FXR1: variants seen among roughly 807,000 people sequenced by gnomAD.
FXR1 encodes RNA-binding protein FXR1.
In FXR1, 15 loss-of-function variants were observed where a neutral mutation model predicts 84.0. The ratio of observed to expected loss-of-function variants is 0.18; its 90% CI spans 0.12 to 0.27. The LOEUF is 0.27. Ranked by LOEUF, FXR1 falls within the 10% of genes least tolerant of loss-of-function variation. The pLI, the probability that FXR1 is intolerant of heterozygous loss-of-function variation, is 1.00. For synonymous variants in FXR1, 245 were observed against 250.7 expected (o/e 0.98, Z 0.21); for missense variants, 480 against 774.4 (o/e 0.62, Z 4.51).
intron 3 of FXR1, among the ~76,000 whole-genome samples, chr3:180,943,595 T>C (rs1356100516): frequency 6.6e-6 from 1 of 152,116 alleles, no homozygotes; most frequent in East Asian, 1.9e-4. Flanking sequence ...GGCTTAGGAA[T>C]TTAGGTTTAG....
chr3:180,964,278 A>G (rs1303761967), intron 13 of FXR1, among the ~76,000 whole-genome samples: 2 of 152,228 alleles, frequency 1.3e-5, no homozygotes, highest in African/African-American at 4.8e-5. Context: ...CAGTAATCAC[A>G]TAGAAATCAA....
Position 180,963,214 on chromosome 3 carries a change from A to G in FXR1, c.1198+124A>G, listed in dbSNP as rs567557462. 7.5e-5 allele frequency: 45 copies of G among 596,688 alleles called. No individual in the cohort carries two copies. The East Asian group carries it at 1.2e-3, about 16-fold the overall frequency. The allele number at this position is 596,688 out of a possible 1,614,324, so 37.0% of individuals were successfully genotyped here. Reference sequence around the variant, plus strand: ...TGTCTTGGCTTTGAGGGTAGAAGGTAGTTCTGAAGGTTTAGTACACGTCTT... The same window carrying G: ...TGTCTTGGCTTTGAGGGTAGAAGGTGGTTCTGAAGGTTTAGTACACGTCTT... On this transcript the variant is annotated intron_variant, in intron 13 of 16. Coordinates refer to ENST00000357559, the MANE Select transcript of FXR1 (RefSeq NM_005087.4).
rs746815811 is a variant in FXR1, at chr3:180,940,580, G to GTTTTGT, written c.198+5353_198+5354insGTTTTT. ...ACGTGTTTAGTTTTTGTTTTTTTCT[G>GTTTTGT]TTTTCTTTTTTTTTTGGAGATGGAG... On this transcript the variant is annotated intron_variant, in intron 3 of 16. Coordinates refer to ENST00000357559, the MANE Select transcript of FXR1 (RefSeq NM_005087.4). Among the ~76,000 whole-genome samples the GTTTTGT allele has an allele frequency of 3.6e-4, 52 of 146,134 alleles. 3 individuals are homozygous for GTTTTGT. Among genetic ancestry groups the GTTTTGT allele is most frequent in the Middle Eastern group, 3.5e-3 (1 of 284 alleles).
In FXR1 at chr3:180,935,471, T is replaced by C. The variant is rs1314246771; in HGVS notation, c.198+240T>C. On this transcript the variant is annotated intron_variant, in intron 3 of 16. Coordinates refer to ENST00000357559, the MANE Select transcript of FXR1 (RefSeq NM_005087.4). ...ATCATTATAATTTGGAAGTCATGGA[T>C]GATAGTGCATTTGAATTCTTAAAAG... is the stretch of plus-strand genomic sequence containing the variant. 2.0e-5 allele frequency among the ~76,000 whole-genome samples: 3 copies of C among 152,218 alleles called. No homozygotes were observed. The East Asian group carries it at 5.8e-4, about 29-fold the overall frequency.
At chr3:180,945,078 T>C (rs901570043) in intron 3 of FXR1, among the ~76,000 whole-genome samples, 3 of 152,232 alleles carry the variant, frequency 2.0e-5, no homozygotes, top group African/African-American at 2.4e-5. Context: ...ACCAATCTTA[T>C]AAATATTGAT....
rs772508533 is a variant in FXR1 at position 180,957,743 on chromosome 3, A to G, written c.881-76A>G. Reference sequence around the variant, plus strand: ...GTTGTAATTTAGTAGCAAGTTACAAATAATTGGGGCTGACACTGAAAGAAT... The same window carrying G: ...GTTGTAATTTAGTAGCAAGTTACAAGTAATTGGGGCTGACACTGAAAGAAT... On this transcript the variant is annotated intron_variant, in intron 9 of 16. Transcript: ENST00000357559. The G allele has an allele frequency of 3.7e-5, 25 of 667,202 alleles. No homozygotes were observed. In the Admixed American group the frequency reaches 4.6e-4, roughly 12 times the overall value. The allele number at this position is 667,202 out of a possible 1,614,324, so 41.3% of individuals were successfully genotyped here. A position where few individuals can be genotyped will look rare whatever the true frequency, so the allele number is the denominator to read the frequency against.
At position 180,980,584 on chromosome 3, in the gene FXR1, T is replaced by TAG. The variant is rs1714562827; in HGVS notation, c.*4292_*4293insAG. 1 of 152,038 alleles carries TAG rather than the reference T, an allele frequency of 6.6e-6. No individual in the cohort carries two copies. The highest frequency in any genetic ancestry group is 1.5e-5 in the Non-Finnish European group (1 of 67,934). 9.4% of individuals were successfully genotyped at this position (152,038 alleles called of 1,614,324 possible). ...TCTAGGCTTCCTTTTTCAGCTAACT[T>TAG]GGCTGTCTTCAGGTTGTAAAGAAAA... is the stretch of plus-strand genomic sequence containing the variant. On this transcript the variant is annotated 3_prime_UTR_variant, in exon 17 of 17. Coordinates refer to ENST00000357559, the MANE Select transcript of FXR1 (RefSeq NM_005087.4).
intron 1 of FXR1, among the ~76,000 whole-genome samples, chr3:180,914,445 T>C (rs1717638036): frequency 6.6e-6 from 1 of 152,226 alleles, no homozygotes; most frequent in African/African-American, 2.4e-5. Flanking sequence ...CATTTTTTCT[T>C]GCATATTGGA....
intron 1 of FXR1, among the ~76,000 whole-genome samples, chr3:180,928,920 A>T (rs1719555313): frequency 6.7e-6 from 1 of 148,322 alleles, no homozygotes. Flanking sequence ...AATTTATGGC[A>T]TTTTTTGTTT....
chr3:180,967,781 TCTG>T (rs1019339533), intron 13 of FXR1, among the ~76,000 whole-genome samples: 48 of 152,310 alleles, frequency 3.2e-4, no homozygotes, highest in African/African-American at 1.2e-3. Context: ...GAGGGATTCT[TCTG>T]CTGGTTTTGA....
intron 1 of FXR1, among the ~76,000 whole-genome samples, 157 bp downstream of exon 1, chr3:180,912,893 G>T (rs1362629511): frequency 6.6e-6 from 1 of 152,144 alleles, no homozygotes; most frequent in Non-Finnish European, 1.5e-5. Flanking sequence ...TCCACCCGCG[G>T]TTTAACGGTC....
intron 1 of FXR1, among the ~76,000 whole-genome samples, chr3:180,929,973 G>A (rs1719688470): frequency 6.6e-6 from 1 of 152,210 alleles, no homozygotes; most frequent in African/African-American, 2.4e-5. Context: ...AATAAGAGTA[G>A]ATGCTCAAGG....
At chr3:180,970,815 C>A (rs751693915) in intron 15 of FXR1, among the ~76,000 whole-genome samples, 1 of 152,066 alleles carries the variant, frequency 6.6e-6, no homozygotes, top group African/African-American at 2.4e-5. Flanking sequence ...AAGACTGTGT[C>A]CCTGAATGAT....
rs1183435655 is a variant in FXR1 at position 180,982,306 on chromosome 3, T to G, written c.*6014T>G. The G allele has an allele frequency of 6.6e-6, 1 of 150,822 alleles. No individual in the cohort carries two copies. The highest frequency in any genetic ancestry group is 6.6e-5 in the Admixed American group (1 of 15,134). The allele number at this position is 150,822 out of a possible 1,614,324, so 9.3% of individuals were successfully genotyped here. ...AAATACCAGCAAAAGATAAAAGTTT[T>G]TTTATGGATCGTATTTGTATCAATC... is the stretch of plus-strand genomic sequence containing the variant. On this transcript the variant is annotated 3_prime_UTR_variant, in exon 17 of 17. Coordinates refer to ENST00000357559, the MANE Select transcript of FXR1 (RefSeq NM_005087.4).
At chr3:180,964,673 T>TTATATATATATATATATATATATATA (rs10600370) in intron 13 of FXR1, among the ~76,000 whole-genome samples, 42 of 136,328 alleles carry the variant, frequency 3.1e-4, no homozygotes, top group African/African-American at 9.8e-4. Context: ...TGTAGTTGAT[T>TTATATATATATATATATATATATATA]TATATATATA....
intron 1 of FXR1, among the ~76,000 whole-genome samples, chr3:180,924,946 A>G (rs1045302538): frequency 6.6e-6 from 1 of 152,248 alleles, no homozygotes; most frequent in South Asian, 2.1e-4. Flanking sequence ...AGTCCCATAC[A>G]TAAAATGGGA....
intron 1 of FXR1, chr3:180,915,414 A>G (rs1717768051): frequency 7.2e-6 from 6 of 827,704 alleles, no homozygotes; most frequent in South Asian, 3.3e-5. Context: ...CGTTACGTAT[A>G]TAGAATCGTA....
At chr3:180,971,039 T>C in intron 15 of FXR1, 1 of 815,482 alleles carries the variant, frequency 1.2e-6, no homozygotes, top group Non-Finnish European at 1.6e-6. Context: ...TGTTTGTTTT[T>C]GTCAGAATAG....
chr3:180,970,408 A>G (rs1414402002), intron 15 of FXR1, 50 bp downstream of exon 15: 2 of 293,768 alleles, frequency 6.8e-6, no homozygotes, highest in East Asian at 6.7e-5. Flanking sequence ...ATATATATAT[A>G]TATATATATA....
Sources: gnomAD v4.1 joint callset for allele counts (sites outside exome capture counted in the v4.1 genomes callset) on GRCh38, gnomAD v4.1.1 for gene constraint, MANE v1.5 for transcripts, NCBI Gene and HGNC (gene_info 2026-07-23, HGNC 2026-07-21) for gene names.